ATP11A: variants seen among roughly 807,000 people sequenced by gnomAD.
The protein encoded by ATP11A is phospholipid-transporting ATPase IH.
A neutral mutation model predicts 154.4 loss-of-function variants in ATP11A; 81 were observed. That is an observed-to-expected ratio of 0.52 (90% CI 0.44 to 0.63). The LOEUF (loss-of-function observed/expected upper bound fraction) is 0.63, where lower values mean the gene tolerates loss of function less well. ATP11A is among the 30% of genes least tolerant of loss of function. The pLI is 0.00. For missense variants in ATP11A, 1,316 were observed against 1,474.3 expected, an observed-to-expected ratio of 0.89 and a Z score of 1.76; for synonymous variants, 623 against 585.9, an observed-to-expected ratio of 1.06 and a Z score of -0.91.
intron 1 of ATP11A, among the ~76,000 whole-genome samples, chr13:112,708,055 A>C (rs1594358703): frequency 6.6e-6 from 1 of 152,172 alleles, no homozygotes; most frequent in Non-Finnish European, 1.5e-5. Context: ...TCACGCAACC[A>C]ACACTTCAAA....
chr13:112,816,172 C>T lies in ATP11A; in HGVS notation c.531C>T (p.His177=), dbSNP rs763906216. 8 of 1,614,174 alleles carry T rather than the reference C, an allele frequency of 5.0e-6. No individual in the cohort carries two copies. The Admixed American group carries it at 5.0e-5, about 10-fold the overall frequency. Residue 177 remains histidine (H), a synonymous_variant, in exon 6 of 30, where the codon CAC becomes CAT. Coordinates refer to ENST00000375645, the MANE Select transcript of ATP11A (RefSeq NM_015205.3). ...GCAACCGGGGAGATGGGACGTGCCACGTCACCACCGCCAGCTTGGATGGAG... is the reference window on the plus strand; with the variant it reads ...GCAACCGGGGAGATGGGACGTGCCATGTCACCACCGCCAGCTTGGATGGAG... The part of the protein sequence containing the change: ...LSSNRGDGTC[H]VTTASLDGES...
intron 25 of ATP11A, among the ~76,000 whole-genome samples, chr13:112,867,124 T>C (rs981048800): frequency 3.9e-5 from 6 of 152,164 alleles, no homozygotes; most frequent in African/African-American, 1.4e-4. Flanking sequence ...CGGCTGCCAA[T>C]GGCAATAGCA....
At chr13:112,699,761 G>A (rs1209272649) in intron 1 of ATP11A, among the ~76,000 whole-genome samples, 1 of 152,236 alleles carries the variant, frequency 6.6e-6, no homozygotes, top group East Asian at 1.9e-4. Context: ...CCCCTGTGCA[G>A]CCTCCTGCCG....
At chr13:112,789,392 G>A (rs145874075) in intron 2 of ATP11A, among the ~76,000 whole-genome samples, 1,851 of 148,030 alleles carry the variant, frequency 0.013, 47 homozygotes, top group African/African-American at 0.044. Flanking sequence ...AATTCACACC[G>A]GTGTTCTGAC....
At chr13:112,711,519 GAAA>G (rs1021708625) in intron 1 of ATP11A, among the ~76,000 whole-genome samples, 1 of 143,240 alleles carries the variant, frequency 7.0e-6, no homozygotes, top group Non-Finnish European at 1.5e-5. Flanking sequence ...CACCTGATGA[GAAA>G]AAAAAAAAAG....
At chr13:112,791,250 A>G (rs1466792462) in intron 2 of ATP11A, among the ~76,000 whole-genome samples, 1 of 152,224 alleles carries the variant, frequency 6.6e-6, no homozygotes, top group Non-Finnish European at 1.5e-5. Context: ...GTAGGGCAGG[A>G]TTCCAGGATA....
chr13:112,880,355 C>CGTCTCA (rs2080847992), intron 29 of ATP11A: 1 of 319,306 alleles, frequency 3.1e-6, no homozygotes, highest in Non-Finnish European at 5.2e-6. Context: ...GGGAGCGGCC[C>CGTCTCA]TGCTGGGACA....
chr13:112,795,206 C>T (rs914285341), intron 2 of ATP11A, among the ~76,000 whole-genome samples: 1 of 151,614 alleles, frequency 6.6e-6, no homozygotes, highest in Non-Finnish European at 1.5e-5. Flanking sequence ...GATGGCGCCA[C>T]TGCACTCCAG....
intron 15 of ATP11A, 30 bp from the exon 16 acceptor site, chr13:112,836,148 A>C (rs1445194413): frequency 6.4e-7 from 1 of 1,562,326 alleles, no homozygotes; most frequent in Non-Finnish European, 8.8e-7. Flanking sequence ...ACCCGTGTGG[A>C]CGGTGTGACC....
intron 1 of ATP11A, among the ~76,000 whole-genome samples, chr13:112,691,406 A>G (rs980048063): frequency 2.7e-5 from 4 of 150,032 alleles, no homozygotes; most frequent in Non-Finnish European, 5.9e-5. Context: ...GGTGGTTGCA[A>G]TGAGCCGAGA....
intron 1 of ATP11A, among the ~76,000 whole-genome samples, chr13:112,713,237 A>C (rs998122129): frequency 1.3e-5 from 2 of 152,198 alleles, no homozygotes; most frequent in African/African-American, 4.8e-5. Flanking sequence ...TCTACTAAAA[A>C]TACAAAAATT....
intron 1 of ATP11A, among the ~76,000 whole-genome samples, chr13:112,743,741 A>G (rs1051529924): frequency 5.3e-5 from 8 of 152,264 alleles, no homozygotes; most frequent in African/African-American, 1.9e-4. Flanking sequence ...GGAATGTAAC[A>G]CAGTAAGCTT....
chr13:112,873,490 C>A (rs1038966779), intron 26 of ATP11A, 83 bp from the exon 27 acceptor site: 1 of 1,060,432 alleles, frequency 9.4e-7, no homozygotes, highest in Non-Finnish European at 1.3e-6. Flanking sequence ...TTCTCGTCAC[C>A]CCCCGGCTCT....
At chr13:112,774,763 C>A (rs1566462332) in intron 1 of ATP11A, among the ~76,000 whole-genome samples, 1 of 152,228 alleles carries the variant, frequency 6.6e-6, no homozygotes. Context: ...TGTGAGAGCC[C>A]TGGGTCTCTG....
chr13:112,882,535 C>T lies in ATP11A; in HGVS notation c.*669C>T, dbSNP rs954626161. 1 of 447,264 alleles carries T rather than the reference C, an allele frequency of 2.2e-6. No individual in the cohort carries two copies. Among genetic ancestry groups the T allele is most frequent in the Non-Finnish European group, 3.9e-6 (1 of 257,028 alleles). The allele number at this position is 447,264 out of a possible 1,614,324, so 27.7% of individuals were successfully genotyped here. On this transcript the variant is annotated 3_prime_UTR_variant, in exon 30 of 30. Transcript: ENST00000375645. This position sits in a 1 kb window ranked among gnomAD's most constrained non-coding sequence, Gnocchi z 5.1. ...TCGGATACCATCATCCCTGCGGATG[C>T]ACCGCCGTACCCTGCTCATCTGGGA...
At chr13:112,756,873 T>C (rs28453238) in intron 1 of ATP11A, among the ~76,000 whole-genome samples, 46 of 123,262 alleles carry the variant, frequency 3.7e-4, no homozygotes, top group African/African-American at 1.0e-3. Flanking sequence ...CAGCACGTGG[T>C]CTGCTCCCAG....
At position 112,807,412 on chromosome 13, in the gene ATP11A, C is replaced by T. The variant is rs185759602; in HGVS notation, c.333+1119C>T. Among the ~76,000 whole-genome samples the T allele has an allele frequency of 7.6e-4, 115 of 152,270 alleles. No individual in the cohort carries two copies. Among genetic ancestry groups the T allele is most frequent in the Admixed American group, 1.8e-3 (28 of 15,292 alleles). ...GGACTCGGGCAACCTGGTGTCCCTC[C>T]GTAAGGAAATGGACAGCTCCGCCGC... On this transcript the variant is annotated intron_variant, in intron 4 of 29. Coordinates refer to ENST00000375645, the MANE Select transcript of ATP11A (RefSeq NM_015205.3). The surrounding 1 kb of genome is among the most constrained non-coding windows in gnomAD (Gnocchi z 4.5).
At chr13:112,817,592 G>C (rs898438642) in intron 6 of ATP11A, among the ~76,000 whole-genome samples, 18 of 152,232 alleles carry the variant, frequency 1.2e-4, no homozygotes, top group African/African-American at 4.1e-4. Context: ...CACACTCTCT[G>C]CAGCCAGTCG....
rs1485879809 is a variant in ATP11A, at chr13:112,806,074, G to A, written c.253-139G>A. ...TAGGACGATTGACTTGCTATCTCCC[G>A]TGGTGGGCAGTCAGGTGCCAGCAAA... On this transcript the variant is annotated intron_variant, in intron 3 of 29. Coordinates refer to ENST00000375645, the MANE Select transcript of ATP11A (RefSeq NM_015205.3). 21 of 605,164 alleles carry A rather than the reference G, an allele frequency of 3.5e-5. 1 individual carries two copies. The highest frequency in any genetic ancestry group is 1.1e-4 in the African/African-American group (6 of 54,268). The allele number at this position is 605,164 out of a possible 1,614,324, so 37.5% of individuals were successfully genotyped here. A position where few individuals can be genotyped will look rare whatever the true frequency, so the allele number is the denominator to read the frequency against.
Sources: gnomAD v4.1 joint callset for allele counts (sites outside exome capture counted in the v4.1 genomes callset) on GRCh38, gnomAD v4.1.1 for gene constraint, Gnocchi (gnomAD v3.1) non-coding constraint, MANE v1.5 for transcripts, NCBI Gene and HGNC (gene_info 2026-07-23, HGNC 2026-07-21) for gene names.